Variants in IPO11 observed in about 807,000 individuals in gnomAD.
The protein encoded by IPO11 is importin-11.
IPO11 carries 66 observed loss-of-function variants against 143.2 expected under a neutral mutation model. The ratio of observed to expected loss-of-function variants is 0.46; its 90% CI spans 0.38 to 0.57. IPO11 has a LOEUF of 0.57. IPO11 is among the 20% of genes least tolerant of loss of function. IPO11 has a pLI of 0.00. For missense variants in IPO11, 1,026 were observed against 1,141.0 expected, an observed-to-expected ratio of 0.90 and a Z score of 1.45; for synonymous variants, 385 against 377.8, an observed-to-expected ratio of 1.02 and a Z score of -0.22.
chr5:62,554,610 T>A (rs539929401), intron 26 of IPO11, among the ~76,000 whole-genome samples: 6 of 152,260 alleles, frequency 3.9e-5, no homozygotes, highest in Non-Finnish European at 7.4e-5. Context: ...ATTTCTGGGT[T>A]CTCTGTTCTA....
intron 3 of IPO11, among the ~76,000 whole-genome samples, chr5:62,448,442 A>G (rs1407800247): frequency 1.3e-5 from 2 of 152,204 alleles, no homozygotes; most frequent in Non-Finnish European, 2.9e-5. Context: ...GACATTTTTT[A>G]TTACTCAGTT....
rs779656552 is a variant in IPO11, at chr5:62,467,302, T to A, written c.649+39T>A. 2.1e-5 allele frequency: 34 copies of A among 1,591,694 alleles called. No individual in the cohort carries two copies. In the East Asian group the frequency reaches 7.2e-4, roughly 34 times the overall value. On this transcript the variant is annotated intron_variant, in intron 6 of 29. Coordinates refer to ENST00000325324, the MANE Select transcript of IPO11 (RefSeq NM_016338.5). ...TGATATGTTCATTTTTGAAATGAGA[T>A]ACCTCAGAACAGTCACCAAATAGTT...
chr5:62,451,917 GAAAACT>G lies in IPO11; in HGVS notation c.502_507del (p.Lys168_Leu169del). 1 of 1,612,936 alleles carries G rather than the reference GAAAACT, an allele frequency of 6.2e-7. No homozygotes were observed. The highest frequency in any genetic ancestry group is 8.5e-7 in the Non-Finnish European group (1 of 1,178,908). ...GCATCTAAACGACTTGCTGCTGATA[GAAAACT>G]ATTTTATGATGTAAGTGATTTCACA... On this transcript the variant is annotated inframe_deletion, in exon 5 of 30. Transcript: ENST00000325324.
At chr5:62,456,320 A>G (rs1745153560) in intron 5 of IPO11, among the ~76,000 whole-genome samples, 1 of 152,136 alleles carries the variant, frequency 6.6e-6, no homozygotes, top group Admixed American at 6.5e-5. Flanking sequence ...CATTTTCTGT[A>G]AAACAGTATG....
chr5:62,524,911 T>A (rs1172966112), intron 20 of IPO11, among the ~76,000 whole-genome samples: 3 of 152,182 alleles, frequency 2.0e-5, no homozygotes, highest in Admixed American at 6.5e-5. Flanking sequence ...CCTTTTTGTG[T>A]TCATGAAATT....
chr5:62,422,586 T>C (rs152187), intron 1 of IPO11: 46,809 of 152,072 alleles, frequency 0.31, 7,582 homozygotes, highest in East Asian at 0.46. Context: ...GTGTCAATAT[T>C]GTTTAGGATA....
intron 27 of IPO11, among the ~76,000 whole-genome samples, chr5:62,591,271 C>T (rs1010917862): frequency 6.6e-6 from 1 of 151,964 alleles, no homozygotes; most frequent in African/African-American, 2.4e-5. Context: ...CTTGTCAATA[C>T]TCTATGTCTT....
chr5:62,499,803 T>C (rs1410272030), intron 16 of IPO11, among the ~76,000 whole-genome samples: 1 of 152,238 alleles, frequency 6.6e-6, no homozygotes, highest in Non-Finnish European at 1.5e-5. Context: ...AAGCTTTTTT[T>C]ATTTTACAGT....
chr5:62,546,158 T>TAG (rs1336436843), intron 24 of IPO11, among the ~76,000 whole-genome samples: 13 of 152,320 alleles, frequency 8.5e-5, no homozygotes, highest in Admixed American at 2.0e-4. Context: ...CGTATGTTTA[T>TAG]TGCAGCACTA....
At chr5:62,509,708 G>A (rs899825860) in intron 19 of IPO11, among the ~76,000 whole-genome samples, 1 of 152,148 alleles carries the variant, frequency 6.6e-6, no homozygotes, top group Non-Finnish European at 1.5e-5. Context: ...CTATGAATTA[G>A]ACTATTTTAG....
At chr5:62,581,089 C>A (rs964362323) in intron 27 of IPO11, 3 of 1,548,112 alleles carry the variant, frequency 1.9e-6, no homozygotes, top group Admixed American at 4.0e-5. Context: ...CAAAGTTGTT[C>A]AGTTTAAACA....
intron 1 of IPO11, among the ~76,000 whole-genome samples, chr5:62,432,916 A>G (rs553214337): frequency 2.4e-4 from 37 of 152,296 alleles, no homozygotes; most frequent in Middle Eastern, 3.4e-3. Context: ...CTGGCGACTG[A>G]CGATGGATTT....
chr5:62,466,927 T>G (rs1745593601), intron 5 of IPO11, among the ~76,000 whole-genome samples: 1 of 152,206 alleles, frequency 6.6e-6, no homozygotes, highest in South Asian at 2.1e-4. Context: ...CTGTGTGTGT[T>G]TAGCAGCCAG....
chr5:62,493,574 T>C (rs544983525), intron 15 of IPO11, among the ~76,000 whole-genome samples: 2 of 146,942 alleles, frequency 1.4e-5, no homozygotes, highest in African/African-American at 4.9e-5. Context: ...GCTTTAAGCT[T>C]TTTTTTTTTT....
At chr5:62,562,837 G>A (rs1267483514) in intron 27 of IPO11, among the ~76,000 whole-genome samples, 1 of 152,208 alleles carries the variant, frequency 6.6e-6, no homozygotes, top group African/African-American at 2.4e-5. Context: ...ACAATAGATA[G>A]TACTTAGCAA....
chr5:62,487,332 G>A (rs1395862507), intron 12 of IPO11, among the ~76,000 whole-genome samples: 1 of 151,936 alleles, frequency 6.6e-6, no homozygotes, highest in African/African-American at 2.4e-5. Flanking sequence ...GGAGGTGGAG[G>A]TTGCAGTGAG....
intron 16 of IPO11, among the ~76,000 whole-genome samples, chr5:62,498,115 C>T (rs1413370122): frequency 2.6e-5 from 4 of 151,982 alleles, no homozygotes; most frequent in African/African-American, 9.7e-5. Context: ...TTTCAATACC[C>T]ACAAATTTTT....
intron 29 of IPO11, among the ~76,000 whole-genome samples, chr5:62,602,690 C>G (rs1745550926): frequency 6.6e-6 from 1 of 152,186 alleles, no homozygotes; most frequent in African/African-American, 2.4e-5. Context: ...TAGCTTATAG[C>G]TAACATTGCA....
chr5:62,505,004 G>T (rs1346678442), intron 18 of IPO11, 106 bp downstream of exon 18: 4 of 583,792 alleles, frequency 6.9e-6, no homozygotes, highest in Non-Finnish European at 1.1e-5. Flanking sequence ...TATTAAAGTT[G>T]AATTTAAAAG....
Sources: allele counts gnomAD v4.1 joint callset (sites outside exome capture counted in the v4.1 genomes callset), GRCh38; gene constraint gnomAD v4.1.1; transcripts MANE v1.5; gene names NCBI Gene and HGNC (gene_info 2026-07-23, HGNC 2026-07-21).